Variants in DNAJA2 observed in about 807,000 individuals in gnomAD.
The protein encoded by DNAJA2 is DnaJ heat shock protein family (Hsp40) member A2, also known as dnaJ homolog subfamily A member 2.
In DNAJA2, 6 loss-of-function variants were observed where a neutral mutation model predicts 49.3. The observed-to-expected ratio is 0.12, with a 90% CI of 0.07 to 0.24. DNAJA2 has a LOEUF of 0.24. Ranked by LOEUF, DNAJA2 falls within the 10% of genes least tolerant of loss-of-function variation. The probability of loss-of-function intolerance (pLI) is 1.00; values close to 1 mark genes in which losing one functional copy is unlikely to be tolerated. For missense variants in DNAJA2, 347 were observed against 516.8 expected (o/e 0.67, Z 3.19); for synonymous variants, 160 against 172.7 (o/e 0.93, Z 0.58).
chr16:46,972,211 C>A lies in DNAJA2; in HGVS notation c.79-256G>T, dbSNP rs1367289676. 1 of 428,850 alleles carries A rather than the reference C, an allele frequency of 2.3e-6. No individual in the cohort carries two copies. The highest frequency in any genetic ancestry group is 4.2e-6 in the Non-Finnish European group (1 of 240,964). 26.6% of individuals were successfully genotyped at this position (428,850 alleles called of 1,614,324 possible). ...CAGATAAAACAATGAAGCAATGCCA[C>A]AGGGAAAAACAAAACGTTCAAACAT... On this transcript the variant is annotated intron_variant, in intron 1 of 8. Coordinates refer to ENST00000317089, the MANE Select transcript of DNAJA2 (RefSeq NM_005880.4).
chr16:46,972,131 T>C (rs572796353), intron 1 of DNAJA2, 176 bp from the exon 2 acceptor site: 261 of 586,602 alleles, frequency 4.4e-4, no homozygotes, highest in South Asian at 1.3e-3. Context: ...ACTAATGTAA[T>C]ATAACCAAGT....
chr16:46,970,064 AT>A (rs771668793), intron 3 of DNAJA2, among the ~76,000 whole-genome samples: 3 of 152,248 alleles, frequency 2.0e-5, no homozygotes, highest in Admixed American at 6.5e-5. Flanking sequence ...ACTTCCTCTA[AT>A]TTACTCAAGT....
chr16:46,973,596 G>C lies in DNAJA2; in HGVS notation c.-24C>G. On this transcript the variant is annotated 5_prime_UTR_variant, in exon 1 of 9. Coordinates refer to ENST00000317089, the MANE Select transcript of DNAJA2 (RefSeq NM_005880.4). ...ATGGCGGCCGGCCGGGCAGTGCTCG[G>C]GGAGAAGGTGGCGAAGCAGACAGAG... 1 of 1,588,816 alleles carries C rather than the reference G, an allele frequency of 6.3e-7. No homozygotes were observed. The highest frequency in any genetic ancestry group is 1.1e-5 in the South Asian group (1 of 89,192).
At chr16:46,957,258 A>G (rs751394241) in intron 8 of DNAJA2, 38 bp from the exon 9 acceptor site, 4 of 1,523,858 alleles carry the variant, frequency 2.6e-6, no homozygotes, top group Non-Finnish European at 3.5e-6. Flanking sequence ...TGGTTGTAAT[A>G]TTTTCATCAA....
chr16:46,967,322 C>T (rs968056515), intron 5 of DNAJA2, among the ~76,000 whole-genome samples, 191 bp downstream of exon 5: 1 of 152,100 alleles, frequency 6.6e-6, no homozygotes, highest in Non-Finnish European at 1.5e-5. Flanking sequence ...GCCTCAAACT[C>T]CTGGGCTCGA....
Position 46,967,508 on chromosome 16 carries a change from C to A in DNAJA2, c.577+5G>T. On this transcript the variant is annotated splice_donor_5th_base_variant and intron_variant, in intron 5 of 8. Transcript: ENST00000317089. Reference sequence around the variant, plus strand: ...ATAAAAGCAGAGAAGTACTGGCACACATACCTTCTCCATTACAATCAGAGC... The same window carrying A: ...ATAAAAGCAGAGAAGTACTGGCACAAATACCTTCTCCATTACAATCAGAGC... 1 of 1,614,086 alleles carries A rather than the reference C, an allele frequency of 6.2e-7. No individual in the cohort carries two copies. The highest frequency in any genetic ancestry group is 8.5e-7 in the Non-Finnish European group (1 of 1,179,988).
intron 5 of DNAJA2, among the ~76,000 whole-genome samples, chr16:46,965,423 T>C (rs767401072): frequency 6.6e-6 from 1 of 152,182 alleles, no homozygotes; most frequent in Non-Finnish European, 1.5e-5. Flanking sequence ...CACTTTCTAA[T>C]GGCTAATTAC....
At chr16:46,971,615 T>C (rs756220531) in intron 2 of DNAJA2, 43 bp from the exon 3 acceptor site, 5 of 1,302,846 alleles carry the variant, frequency 3.8e-6, no homozygotes, top group East Asian at 2.6e-5. Context: ...CATTTTCAAG[T>C]AGAAGAGTGG....
Position 46,970,730 on chromosome 16 carries a change from CAAAAAA to C in DNAJA2, c.362+613_362+618del, listed in dbSNP as rs10523905. Among the ~76,000 whole-genome samples, 152 of 32,204 alleles carry C rather than the reference CAAAAAA, an allele frequency of 4.7e-3. 3 individuals are homozygous for C. Among genetic ancestry groups the C allele is most frequent in the African/African-American group, 0.012 (119 of 9,644 alleles). The allele number at this position is 32,204 out of a possible 152,430, so 21.1% of individuals were successfully genotyped here. On this transcript the variant is annotated intron_variant, in intron 3 of 8. Transcript: ENST00000317089. ...AACCCGGGCGACAGGGACTCCATTT[CAAAAAA>C]AAAAAAAAAAAAAAAAAAAAGGTCG...
chr16:46,958,585 C>CAA (rs34754617), intron 8 of DNAJA2: 1,476 of 144,596 alleles, frequency 0.01, 18 homozygotes, highest in South Asian at 0.057. Context: ...CAAAAACAAA[C>CAA]AAACAAAAAA....
intron 1 of DNAJA2, among the ~76,000 whole-genome samples, chr16:46,973,256 A>C (rs1962083077): frequency 6.6e-6 from 1 of 151,960 alleles, no homozygotes; most frequent in African/African-American, 2.4e-5. Context: ...TTTGCGCAGG[A>C]GTGAGTTTTA....
At chr16:46,970,730 C>CATAAAAAAAAAAAAA (rs1962032663) in intron 3 of DNAJA2, among the ~76,000 whole-genome samples, 1 of 32,200 alleles carries the variant, frequency 3.1e-5, no homozygotes, top group Non-Finnish European at 5.7e-5. Context: ...GACTCCATTT[C>CATAAAAAAAAAAAAA]AAAAAAAAAA....
intron 1 of DNAJA2, 77 bp from the exon 2 acceptor site, chr16:46,972,032 T>C (rs1025553023): frequency 1.3e-5 from 13 of 1,014,072 alleles, no homozygotes; most frequent in Non-Finnish European, 3.1e-6. Flanking sequence ...AATATCCACT[T>C]TTCTGAGAAG....
chr16:46,961,145 C>T (rs1961890296), intron 6 of DNAJA2, among the ~76,000 whole-genome samples: 1 of 152,084 alleles, frequency 6.6e-6, no homozygotes, highest in South Asian at 2.1e-4. Flanking sequence ...GCCTATAATC[C>T]CAGCACTTTG....
intron 3 of DNAJA2, among the ~76,000 whole-genome samples, chr16:46,971,055 G>C (rs980424232): frequency 2.6e-5 from 4 of 151,628 alleles, no homozygotes; most frequent in Admixed American, 2.6e-4. Flanking sequence ...AAAAGAGAGA[G>C]AGAGAAAATG....
At position 46,971,495 on chromosome 16, in the gene DNAJA2, T is replaced by C; in HGVS notation, c.216A>G (p.Gln72=). The change falls in exon 3 of 9, where the codon CAA becomes CAG. Residue 72 remains glutamine, a synonymous_variant. Coordinates refer to ENST00000317089, the MANE Select transcript of DNAJA2 (RefSeq NM_005880.4). ...KRELYDRYGE[Q]GLREGSGGGG... is the part of the protein sequence containing the mutation. ...CTCCGCCGCTGCCTTCCCGAAGACC[T>C]TGCTCTCCGTATCTGTCATATAACT... 6.2e-7 allele frequency: 1 copy of C among 1,613,940 alleles called. No individual in the cohort carries two copies. Among genetic ancestry groups the C allele is most frequent in the South Asian group, 1.1e-5 (1 of 91,048 alleles).
intron 8 of DNAJA2, 69 bp from the exon 9 acceptor site, chr16:46,957,289 A>C (rs1259487647): frequency 2.2e-5 from 30 of 1,378,168 alleles, no homozygotes; most frequent in Non-Finnish European, 2.8e-5. Context: ...GATACATAGA[A>C]TCCAGTGTCT....
chr16:46,957,148 G>C lies in DNAJA2; in HGVS notation c.1120C>G (p.Gln374Glu). ...IIGETEEVEL[Q>E]EFDSTRGSGG... Reference sequence around the variant, plus strand: ...GAGCCTCGAGTGCTATCAAATTCCTGAAGCTCTACCTCCTCTGTTTCTCCA... The same window carrying C: ...GAGCCTCGAGTGCTATCAAATTCCTCAAGCTCTACCTCCTCTGTTTCTCCA... Residue 374 changes from glutamine (Q) to glutamate (E), a missense_variant, in exon 9 of 9, where the codon CAG becomes GAG. Transcript: ENST00000317089. 1 of 1,614,182 alleles carries C rather than the reference G, an allele frequency of 6.2e-7. No homozygotes were observed. The highest frequency in any genetic ancestry group is 8.5e-7 in the Non-Finnish European group (1 of 1,180,038).
At position 46,955,802 on chromosome 16, in the gene DNAJA2, G is replaced by A. The variant is rs542275144; in HGVS notation, c.*1227C>T. The A allele has an allele frequency of 6.6e-6, 1 of 152,086 alleles. No homozygotes were observed. Among genetic ancestry groups the A allele is most frequent in the South Asian group, 2.1e-4 (1 of 4,826 alleles). 9.4% of individuals were successfully genotyped at this position (152,086 alleles called of 1,614,324 possible). ...AATGGTAAAAACCAGATGATGGAAA[G>A]AGAAACACAACATCCGTTTCATCAA... On this transcript the variant is annotated 3_prime_UTR_variant, in exon 9 of 9. Transcript: ENST00000317089.
Sources: allele counts gnomAD v4.1 joint callset (sites outside exome capture counted in the v4.1 genomes callset), GRCh38; gene constraint gnomAD v4.1.1; transcripts MANE v1.5; gene names NCBI Gene and HGNC (gene_info 2026-07-23, HGNC 2026-07-21).